Variants in DPF3 observed in about 807,000 individuals in gnomAD.
DPF3 encodes zinc finger protein DPF3.
A neutral mutation model predicts 56.8 loss-of-function variants in DPF3; 18 were observed. The ratio of observed to expected loss-of-function variants is 0.32; its 90% confidence interval spans 0.22 to 0.47. The LOEUF is 0.47. DPF3 is among the 20% of genes least tolerant of loss of function. DPF3 has a pLI of 1.00. For synonymous variants in DPF3, 188 were observed against 180.2 expected (o/e 1.04, Z -0.35); for missense variants, 403 against 488.8 (o/e 0.82, Z 1.65).
At chr14:72,874,512 C>T (rs1886033327) in intron 1 of DPF3, among the ~76,000 whole-genome samples, 1 of 151,968 alleles carries the variant, frequency 6.6e-6, no homozygotes, top group South Asian at 2.1e-4. Context: ...GAAATTTATT[C>T]CACCAGATAA....
intron 3 of DPF3, among the ~76,000 whole-genome samples, chr14:72,746,963 C>T (rs1422889290): frequency 1.3e-5 from 2 of 152,248 alleles, no homozygotes; most frequent in African/African-American, 4.8e-5. Flanking sequence ...AGCTGCTCCA[C>T]GTTCACCCAC....
At chr14:72,671,639 G>A (rs367566073) in intron 8 of DPF3, among the ~76,000 whole-genome samples, 8 of 152,326 alleles carry the variant, frequency 5.3e-5, no homozygotes, top group Middle Eastern at 3.4e-3. Context: ...ACACACAGGC[G>A]CTTGCACGCT....
chr14:72,713,506 G>A (rs1401810836), intron 6 of DPF3, among the ~76,000 whole-genome samples: 2 of 152,140 alleles, frequency 1.3e-5, no homozygotes, highest in African/African-American at 4.8e-5. Flanking sequence ...CCCGTGCCAG[G>A]GTCCAGCCTC....
intron 3 of DPF3, among the ~76,000 whole-genome samples, chr14:72,749,014 G>A (rs903814923): frequency 6.6e-6 from 1 of 152,248 alleles, no homozygotes; most frequent in Non-Finnish European, 1.5e-5. Context: ...GCACCACCTA[G>A]CGGAGCTGTG....
At position 72,822,132 on chromosome 14, in the gene DPF3, C is replaced by T. The variant is rs566914407; in HGVS notation, c.33-50239G>A. 1.6e-4 allele frequency among the ~76,000 whole-genome samples: 25 copies of T among 152,318 alleles called. No homozygotes were observed. In the South Asian group the frequency reaches 1.7e-3, roughly 10 times the overall value. On this transcript the variant is annotated intron_variant, in intron 1 of 10. Coordinates refer to ENST00000556509, the MANE Select transcript of DPF3 (RefSeq NM_001280542.3). ...GGCGCAGTGGCTTGTAATCCCAGCA[C>T]TTTGGGAGGCCAAGGTGGGTGGATC...
chr14:72,738,668 T>G (rs1023464545), intron 3 of DPF3, among the ~76,000 whole-genome samples: 1 of 152,000 alleles, frequency 6.6e-6, no homozygotes, highest in African/African-American at 2.4e-5. Context: ...TGGTACAGAG[T>G]GTCAGTCAGA....
intron 1 of DPF3, among the ~76,000 whole-genome samples, chr14:72,851,682 A>G (rs1214533182): frequency 1.3e-5 from 2 of 152,244 alleles, no homozygotes; most frequent in Non-Finnish European, 2.9e-5. Flanking sequence ...GATGGCCACA[A>G]ACTAACTTCC....
At position 72,702,165 on chromosome 14, in the gene DPF3, T is replaced by C. The variant is rs945201791; in HGVS notation, c.605-8952A>G. Among the ~76,000 whole-genome samples the C allele has an allele frequency of 3.1e-4, 47 of 152,158 alleles. 1 individual carries two copies. The highest frequency in any genetic ancestry group is 1.3e-3 in the Admixed American group (20 of 15,276). On this transcript the variant is annotated intron_variant, in intron 6 of 10. Coordinates refer to ENST00000556509, the MANE Select transcript of DPF3 (RefSeq NM_001280542.3). ...GCGCTGGTGAGTCTCTGCTTGGCAC[T>C]GCCTCCCTCCCCACCCACCCCAACG...
chr14:72,870,247 G>A (rs1885844787), intron 1 of DPF3, among the ~76,000 whole-genome samples: 1 of 152,184 alleles, frequency 6.6e-6, no homozygotes, highest in South Asian at 2.1e-4. Context: ...CCTGACAACA[G>A]TGTGTCAGGC....
At chr14:72,661,658 C>T (rs369686203) in intron 8 of DPF3, 3 of 985,390 alleles carry the variant, frequency 3.0e-6, no homozygotes, top group African/African-American at 3.5e-5. Flanking sequence ...TTAGAACACC[C>T]GCCGTCTTCC....
intron 2 of DPF3, among the ~76,000 whole-genome samples, chr14:72,756,933 G>GAA (rs1567223087): frequency 1.0e-4 from 4 of 39,248 alleles, no homozygotes; most frequent in African/African-American, 3.1e-4. Context: ...AAAGAAAGAA[G>GAA]AGAAGAGAAG....
In DPF3 at chr14:72,838,907, T is replaced by A. The variant is rs868574952; in HGVS notation, c.32+55150A>T. ...CTATCATATATATTATCATATATAT[T>A]CTTTTTTTTTTTTTTTTTTTTTTTT... On this transcript the variant is annotated intron_variant, in intron 1 of 10. Coordinates refer to ENST00000556509, the MANE Select transcript of DPF3 (RefSeq NM_001280542.3). Among the ~76,000 whole-genome samples, 105 of 38,380 alleles carry A rather than the reference T, an allele frequency of 2.7e-3. 7 individuals carry two copies. In the East Asian group the frequency reaches 0.086, roughly 32 times the overall value. The allele number at this position is 38,380 out of a possible 152,430, so 25.2% of individuals were successfully genotyped here.
At chr14:72,820,823 C>T (rs1432716853) in intron 1 of DPF3, among the ~76,000 whole-genome samples, 1 of 151,232 alleles carries the variant, frequency 6.6e-6, no homozygotes, top group Admixed American at 6.6e-5. Flanking sequence ...GATGAAACTC[C>T]ATCTCTACAA....
intron 7 of DPF3, among the ~76,000 whole-genome samples, chr14:72,683,286 C>T (rs1001331643): frequency 9.6e-5 from 14 of 145,102 alleles, no homozygotes; most frequent in Admixed American, 9.3e-4. Context: ...GAGATCGCAC[C>T]ACTGCACTCC....
At chr14:72,783,469 G>A (rs1386686246) in intron 1 of DPF3, among the ~76,000 whole-genome samples, 1 of 152,182 alleles carries the variant, frequency 6.6e-6, no homozygotes, top group Non-Finnish European at 1.5e-5. Flanking sequence ...AAGGCTGGAA[G>A]TCAGTGCTGG....
chr14:72,637,709 A>G (rs529782642), intron 8 of DPF3, among the ~76,000 whole-genome samples: 1 of 152,258 alleles, frequency 6.6e-6, no homozygotes, highest in African/African-American at 2.4e-5. Flanking sequence ...CCACCCAAAA[A>G]TGGTATTTTT....
chr14:72,809,436 C>T (rs923015114), intron 1 of DPF3, among the ~76,000 whole-genome samples: 4 of 152,156 alleles, frequency 2.6e-5, no homozygotes, highest in Non-Finnish European at 4.4e-5. Flanking sequence ...AGTGAGAAGT[C>T]GGCAGGTCAG....
In DPF3 at chr14:72,708,843, T is replaced by C. The variant is rs185911001; in HGVS notation, c.604+5580A>G. On this transcript the variant is annotated intron_variant, in intron 6 of 10. Transcript: ENST00000556509. ...ATGTCCTCCAGACATCTTGCCTCCC[T>C]AGTAAAGAGCATCATTGTTAAGCTG... 8.5e-5 allele frequency among the ~76,000 whole-genome samples: 13 copies of C among 152,272 alleles called. No homozygotes were observed. In the East Asian group the frequency reaches 2.3e-3, roughly 27 times the overall value.
intron 6 of DPF3, among the ~76,000 whole-genome samples, chr14:72,698,162 TACAG>T (rs1887991919): frequency 6.6e-6 from 1 of 152,350 alleles, no homozygotes; most frequent in South Asian, 2.1e-4. Context: ...CACGTGTCAA[TACAG>T]ACAGTCCGCA....
Sources: allele counts gnomAD v4.1 joint callset (sites outside exome capture counted in the v4.1 genomes callset), GRCh38; gene constraint gnomAD v4.1.1; transcripts MANE v1.5; gene names NCBI Gene and HGNC (gene_info 2026-07-23, HGNC 2026-07-21).